Variants in YEATS2 observed in about 807,000 individuals in gnomAD.
YEATS2 encodes the protein YEATS domain-containing protein 2.
Under a neutral mutation model 163.2 loss-of-function variants are expected in YEATS2, and 77 were observed. That is an observed-to-expected ratio of 0.47 (90% CI 0.39 to 0.57). The LOEUF is 0.57. YEATS2 is among the 20% of genes least tolerant of loss of function. The probability of loss-of-function intolerance (pLI) is 0.00; values close to 1 mark genes in which losing one functional copy is unlikely to be tolerated. For synonymous variants in YEATS2, 631 were observed against 645.1 expected, an observed-to-expected ratio of 0.98 and a Z score of 0.33; for missense variants, 1,549 against 1,729.8, an observed-to-expected ratio of 0.90 and a Z score of 1.85.
At position 183,811,301 on chromosome 3, in the gene YEATS2, G is replaced by A. The variant is rs1194117801; in HGVS notation, c.*718G>A. 6.5e-6 allele frequency: 1 copy of A among 152,784 alleles called. No homozygotes were observed. Among genetic ancestry groups the A allele is most frequent in the Non-Finnish European group, 1.5e-5 (1 of 68,324 alleles). 9.5% of individuals were successfully genotyped at this position (152,784 alleles called of 1,614,324 possible). On this transcript the variant is annotated 3_prime_UTR_variant, in exon 31 of 31. Coordinates refer to ENST00000305135, the MANE Select transcript of YEATS2 (RefSeq NM_018023.5). The stretch of plus-strand genomic sequence containing the variant: ...AAGAAAACTCACTATGCTAGGAATA[G>A]ACTGTGTGCACCAGTCCCAGACACT...
intron 8 of YEATS2, among the ~76,000 whole-genome samples, chr3:183,746,713 C>CTAGATTT (rs1719581322): frequency 3.3e-5 from 5 of 149,812 alleles, no homozygotes; most frequent in South Asian, 4.2e-4. Flanking sequence ...TATTAAAACT[C>CTAGATTT]CAGATTTCTT....
chr3:183,712,504 G>C (rs1000812785), intron 1 of YEATS2, among the ~76,000 whole-genome samples: 1 of 151,796 alleles, frequency 6.6e-6, no homozygotes, highest in African/African-American at 2.4e-5. Context: ...AGTTACCGCA[G>C]CCAGCCTAAT....
chr3:183,792,621 G>A (rs907082083), intron 21 of YEATS2, among the ~76,000 whole-genome samples: 4 of 152,046 alleles, frequency 2.6e-5, no homozygotes, highest in Admixed American at 2.0e-4. Flanking sequence ...GGGTTCAAGC[G>A]ATTCTCCTGC....
intron 15 of YEATS2, among the ~76,000 whole-genome samples, chr3:183,764,615 G>A (rs1227100572): frequency 1.3e-5 from 2 of 152,016 alleles, no homozygotes. Context: ...TTCGAGATCA[G>A]GCCAACATAG....
rs140674121 is a variant in YEATS2 at position 183,710,297 on chromosome 3, G to A, written c.-19-4847G>A. Among the ~76,000 whole-genome samples the A allele has an allele frequency of 3.9e-3, 597 of 152,268 alleles. 2 individuals carry two copies. The highest frequency in any genetic ancestry group is 0.014 in the African/African-American group (569 of 41,550). On this transcript the variant is annotated intron_variant, in intron 1 of 30. Transcript: ENST00000305135. ...AGACAAGAAGAGTCCAGAAGGTAAT[G>A]TTATCATTGGTCATTTGTTACACAT...
At chr3:183,706,789 C>T (rs1714667172) in intron 1 of YEATS2, among the ~76,000 whole-genome samples, 1 of 152,032 alleles carries the variant, frequency 6.6e-6, no homozygotes, top group South Asian at 2.1e-4. Context: ...GCACTCCAGC[C>T]TGGACAACAA....
chr3:183,743,959 T>A (rs1302606145), intron 8 of YEATS2, among the ~76,000 whole-genome samples: 1 of 152,130 alleles, frequency 6.6e-6, no homozygotes, highest in Non-Finnish European at 1.5e-5. Context: ...ACCTGCGGCT[T>A]AAGTTATTTT....
chr3:183,713,602 A>C (rs1715496677), intron 1 of YEATS2, among the ~76,000 whole-genome samples: 1 of 152,192 alleles, frequency 6.6e-6, no homozygotes, highest in African/African-American at 2.4e-5. Context: ...GCAGCTAGAA[A>C]ATTTAAATTC....
chr3:183,770,901 C>T (rs1333010900), intron 15 of YEATS2, among the ~76,000 whole-genome samples: 3 of 152,140 alleles, frequency 2.0e-5, no homozygotes, highest in African/African-American at 7.2e-5. Context: ...TTTGTCCATT[C>T]CTCTATCTGT....
chr3:183,764,078 A>T (rs1016260548), intron 15 of YEATS2, among the ~76,000 whole-genome samples: 51 of 152,186 alleles, frequency 3.4e-4, no homozygotes, highest in African/African-American at 1.2e-3. Flanking sequence ...AAACAAAAAA[A>T]CAAAAAACAA....
intron 21 of YEATS2, among the ~76,000 whole-genome samples, chr3:183,795,555 C>T (rs1725069599): frequency 6.8e-6 from 1 of 147,740 alleles, no homozygotes; most frequent in South Asian, 2.2e-4. Context: ...CCCTTCTTGG[C>T]CTCCCAAAGT....
rs1172247282 is a variant in YEATS2, at chr3:183,810,877, T to C, written c.*294T>C. On this transcript the variant is annotated 3_prime_UTR_variant, in exon 31 of 31. Transcript: ENST00000305135. ...CCCCACGAGAGCGGGCCAGGCCGTG[T>C]GCCTCAGGCCCTTCTCCCTGGGTGT... The C allele has an allele frequency of 2.7e-6, 1 of 365,476 alleles. No individual in the cohort carries two copies. Among genetic ancestry groups the C allele is most frequent in the Non-Finnish European group, 5.2e-6 (1 of 192,610 alleles). The allele number at this position is 365,476 out of a possible 1,614,324, so 22.6% of individuals were successfully genotyped here.
chr3:183,715,420 A>T (rs1432630871), intron 2 of YEATS2, among the ~76,000 whole-genome samples, 158 bp downstream of exon 2: 1 of 152,154 alleles, frequency 6.6e-6, no homozygotes, highest in Non-Finnish European at 1.5e-5. Flanking sequence ...GTAATACACC[A>T]TGTGTGCTGT....
At chr3:183,723,812 T>A (rs1362952049) in intron 5 of YEATS2, among the ~76,000 whole-genome samples, 1 of 152,042 alleles carries the variant, frequency 6.6e-6, no homozygotes, top group Non-Finnish European at 1.5e-5. Context: ...CTCGAGAGGC[T>A]GAGGCAGGAG....
chr3:183,803,829 T>A, intron 26 of YEATS2, 158 bp from the exon 27 acceptor site: 1 of 488,284 alleles, frequency 2.0e-6, no homozygotes, highest in Non-Finnish European at 3.3e-6. Context: ...GAAGTTCGAC[T>A]TTTTTTTTTA....
At chr3:183,797,176 G>A (rs1395253153) in intron 21 of YEATS2, among the ~76,000 whole-genome samples, 1 of 151,618 alleles carries the variant, frequency 6.6e-6, no homozygotes, top group Non-Finnish European at 1.5e-5. Flanking sequence ...GGCCTAGGCA[G>A]GAGAATCGCT....
chr3:183,806,500 T>C, intron 27 of YEATS2: 1 of 434,182 alleles, frequency 2.3e-6, no homozygotes, highest in Non-Finnish European at 4.6e-6. Context: ...GGGTGATTCT[T>C]TTTATTTTCT....
At chr3:183,774,156 G>A (rs1290604715) in intron 17 of YEATS2, among the ~76,000 whole-genome samples, 2 of 152,152 alleles carry the variant, frequency 1.3e-5, no homozygotes, top group Non-Finnish European at 2.9e-5. Context: ...GGGATAGGTT[G>A]GCATAGGATT....
At chr3:183,789,718 A>G (rs1026171304) in intron 20 of YEATS2, among the ~76,000 whole-genome samples, 19 of 136,392 alleles carry the variant, frequency 1.4e-4, no homozygotes, top group South Asian at 7.1e-4. Flanking sequence ...TTTTTTTTGT[A>G]TTAGTAGAGA....
Sources: allele counts gnomAD v4.1 joint callset (sites outside exome capture counted in the v4.1 genomes callset), GRCh38; gene constraint gnomAD v4.1.1; transcripts MANE v1.5; gene names NCBI Gene and HGNC (gene_info 2026-07-23, HGNC 2026-07-21).